Variants in ARMH3 observed in about 807,000 individuals in gnomAD.
ARMH3 encodes the protein armadillo like helical domain containing 3.
A neutral mutation model predicts 99.1 loss-of-function variants in ARMH3; 60 were observed. The observed-to-expected ratio is 0.61, with a 90% CI of 0.49 to 0.75. The LOEUF is 0.75. Ranked by LOEUF, ARMH3 falls within the 30% of genes least tolerant of loss-of-function variation. The probability of loss-of-function intolerance (pLI) is 0.00; values close to 1 mark genes in which losing one functional copy is unlikely to be tolerated. For missense variants in ARMH3, 679 were observed against 843.1 expected, an observed-to-expected ratio of 0.81 and a Z score of 2.41; for synonymous variants, 285 against 292.8, an observed-to-expected ratio of 0.97 and a Z score of 0.27.
At chr10:101,862,661 GA>G (rs1039178141) in intron 24 of ARMH3, among the ~76,000 whole-genome samples, 2 of 150,768 alleles carry the variant, frequency 1.3e-5, no homozygotes, top group Non-Finnish European at 3.0e-5. Context: ...AAAAGAAAAC[GA>G]AAACGGATAA....
intron 23 of ARMH3, among the ~76,000 whole-genome samples, chr10:101,903,053 T>C (rs2068019532): frequency 6.6e-6 from 1 of 152,190 alleles, no homozygotes; most frequent in Non-Finnish European, 1.5e-5. Flanking sequence ...GAAAGAGCAG[T>C]AAGTTTTCTT....
intron 1 of ARMH3, among the ~76,000 whole-genome samples, chr10:102,048,371 A>G (rs1279648834): frequency 1.3e-5 from 2 of 152,204 alleles, no homozygotes; most frequent in African/African-American, 4.8e-5. Flanking sequence ...CAAAGAAAAT[A>G]TTACCATTAT....
Position 101,872,964 on chromosome 10 carries a change from G to GA in ARMH3, c.1860+16447dup, listed in dbSNP as rs879419643. On this transcript the variant is annotated intron_variant, in intron 24 of 25. Transcript: ENST00000370033. Reference sequence around the variant, plus strand: ...CATAGCAAGACTCCATCCCAAAAAAGAAAAAAAAAAAGCTGTAATAAGTAT... The same window carrying GA: ...CATAGCAAGACTCCATCCCAAAAAAGAAAAAAAAAAAAGCTGTAATAAGTAT... 1.7e-3 allele frequency among the ~76,000 whole-genome samples: 224 copies of GA among 133,036 alleles called. 2 individuals are homozygous for GA. Among genetic ancestry groups the GA allele is most frequent in the Middle Eastern group, 0.015 (4 of 264 alleles). 87.3% of individuals were successfully genotyped at this position (133,036 alleles called of 152,430 possible). A position where few individuals can be genotyped will look rare whatever the true frequency, so the allele number is the denominator to read the frequency against.
intron 23 of ARMH3, among the ~76,000 whole-genome samples, chr10:101,908,293 T>C (rs1397067478): frequency 6.6e-6 from 1 of 152,214 alleles, no homozygotes; most frequent in Non-Finnish European, 1.5e-5. Context: ...CTAGTTGATG[T>C]CAATGGATTC....
At chr10:101,884,002 A>G (rs2067480289) in intron 24 of ARMH3, among the ~76,000 whole-genome samples, 1 of 151,740 alleles carries the variant, frequency 6.6e-6, no homozygotes, top group African/African-American at 2.4e-5. Context: ...ACACACACAC[A>G]CACACACACA....
intron 19 of ARMH3, among the ~76,000 whole-genome samples, chr10:101,989,531 G>A (rs1047683682): frequency 6.6e-6 from 1 of 152,082 alleles, no homozygotes; most frequent in Non-Finnish European, 1.5e-5. Context: ...GACCAGCCTG[G>A]CCAAGATGGT....
At chr10:101,995,210 C>T in intron 16 of ARMH3, 87 bp downstream of exon 16, 1 of 1,149,708 alleles carries the variant, frequency 8.7e-7, no homozygotes. Flanking sequence ...CCCTAAATGT[C>T]ATGAGACAGT....
chr10:102,012,517 A>G (rs1397769797), intron 10 of ARMH3, among the ~76,000 whole-genome samples: 1 of 152,230 alleles, frequency 6.6e-6, no homozygotes, highest in African/African-American at 2.4e-5. Context: ...TGTATGATAC[A>G]CTGGACTAAA....
chr10:101,996,398 C>T (rs957733671), intron 15 of ARMH3, among the ~76,000 whole-genome samples: 1 of 152,148 alleles, frequency 6.6e-6, no homozygotes, highest in Admixed American at 6.5e-5. Context: ...AATTAGATGG[C>T]ATAATGGGGA....
intron 9 of ARMH3, 123 bp downstream of exon 9, chr10:102,013,843 CCT>C (rs777439725): frequency 1.6e-5 from 12 of 743,828 alleles, no homozygotes; most frequent in Non-Finnish European, 2.6e-5. Context: ...ATATTAATTC[CCT>C]CTCTATAACC....
chr10:102,035,394 TTCTCCCTCTCCCCACGGTCTCCC>T (rs1464886216), intron 2 of ARMH3, among the ~76,000 whole-genome samples: 1 of 151,990 alleles, frequency 6.6e-6, no homozygotes, highest in Non-Finnish European at 1.5e-5. Flanking sequence ...CCCTTCTCCC[TTCTCCCTCTCCCCACGGTCTCCC>T]TCTCCCTCTC....
At chr10:101,957,878 T>C (rs559727443) in intron 20 of ARMH3, 146 bp from the exon 21 acceptor site, 2 of 1,199,078 alleles carry the variant, frequency 1.7e-6, no homozygotes, top group Non-Finnish European at 2.3e-6. Flanking sequence ...GCAGGTAAGG[T>C]AGGTATATTT....
intron 22 of ARMH3, among the ~76,000 whole-genome samples, chr10:101,947,373 ACCT>A (rs1304173979): frequency 6.6e-6 from 1 of 151,950 alleles, no homozygotes; most frequent in African/African-American, 2.4e-5. Context: ...AGTGGCTCAC[ACCT>A]GTAATCCCAG....
At chr10:102,049,066 T>A (rs191855899) in intron 1 of ARMH3, among the ~76,000 whole-genome samples, 4 of 152,246 alleles carry the variant, frequency 2.6e-5, no homozygotes, top group Admixed American at 2.6e-4. Context: ...GCCCCAGGTA[T>A]TTAGCTCACT....
At chr10:102,043,516 T>C (rs1361387251) in intron 1 of ARMH3, among the ~76,000 whole-genome samples, 2 of 152,066 alleles carry the variant, frequency 1.3e-5, no homozygotes, top group African/African-American at 2.4e-5. Context: ...TAACAACCCA[T>C]AGTGCAAAGC....
chr10:101,949,151 A>C lies in ARMH3; in HGVS notation c.1705+7446T>G, dbSNP rs1453819978. ...TATATTAGAAAAAAAGAAAAGTCTCATATCAATGAACTATGCTTGCACCCT... is the reference window on the plus strand; with the variant it reads ...TATATTAGAAAAAAAGAAAAGTCTCCTATCAATGAACTATGCTTGCACCCT... On this transcript the variant is annotated intron_variant, in intron 22 of 25. Coordinates refer to ENST00000370033, the MANE Select transcript of ARMH3 (RefSeq NM_024541.3). Among the ~76,000 whole-genome samples, 8 of 152,156 alleles carry C rather than the reference A, an allele frequency of 5.3e-5. No individual in the cohort carries two copies. In the East Asian group the frequency reaches 1.3e-3, roughly 26 times the overall value.
intron 24 of ARMH3, among the ~76,000 whole-genome samples, chr10:101,885,720 A>G (rs2135426850): frequency 6.6e-6 from 1 of 152,298 alleles, no homozygotes; most frequent in East Asian, 1.9e-4. Context: ...TTGCACAACA[A>G]TGTGAATGTA....
intron 24 of ARMH3, among the ~76,000 whole-genome samples, chr10:101,878,078 C>G (rs1017702005): frequency 6.6e-6 from 1 of 151,842 alleles, no homozygotes; most frequent in Non-Finnish European, 1.5e-5. Flanking sequence ...GCCAACATGG[C>G]GAAACCCTGT....
chr10:101,991,395 T>C, intron 18 of ARMH3, among the ~76,000 whole-genome samples: 1 of 131,586 alleles, frequency 7.6e-6, no homozygotes, highest in South Asian at 2.3e-4. Flanking sequence ...ATTTGAAATC[T>C]TTTTTTTTTT....
Sources: allele counts gnomAD v4.1 joint callset (sites outside exome capture counted in the v4.1 genomes callset), GRCh38; gene constraint gnomAD v4.1.1; transcripts MANE v1.5; gene names NCBI Gene and HGNC (gene_info 2026-07-23, HGNC 2026-07-21).